The following VPS54 variants were observed in gnomAD, a reference collection of about 807,000 sequenced individuals.
VPS54 encodes the protein vacuolar protein sorting-associated protein 54.
VPS54 carries 45 observed loss-of-function variants against 121.5 expected under a neutral mutation model. The ratio of observed to expected loss-of-function variants is 0.37; its 90% CI spans 0.29 to 0.47. The LOEUF is 0.47. Among genes scored for constraint, VPS54 ranks in the 20% least tolerant of loss-of-function variants. VPS54 has a pLI of 0.99. For missense variants in VPS54, 1,090 were observed against 1,131.4 expected, an observed-to-expected ratio of 0.96 and a Z score of 0.52; for synonymous variants, 371 against 385.8, an observed-to-expected ratio of 0.96 and a Z score of 0.45.
intron 4 of VPS54, among the ~76,000 whole-genome samples, chr2:63,969,793 T>A (rs529049613): frequency 4.1e-4 from 62 of 152,276 alleles, no homozygotes; most frequent in Admixed American, 2.3e-3. Context: ...TTTCAAGTTT[T>A]GGTAAGACTG....
At chr2:63,958,896 C>G (rs571293175) in intron 7 of VPS54, among the ~76,000 whole-genome samples, 3 of 151,888 alleles carry the variant, frequency 2.0e-5, no homozygotes, top group African/African-American at 7.3e-5. Flanking sequence ...ATATGGCCCA[C>G]GAAATGACTA....
At chr2:64,004,773 A>T (rs1678046941) in intron 1 of VPS54, among the ~76,000 whole-genome samples, 1 of 152,160 alleles carries the variant, frequency 6.6e-6, no homozygotes, top group Non-Finnish European at 1.5e-5. Context: ...TGTTTAAATT[A>T]TAACATAGTA....
intron 1 of VPS54, among the ~76,000 whole-genome samples, chr2:64,014,815 G>A (rs1023449462): frequency 3.3e-5 from 5 of 152,126 alleles, no homozygotes; most frequent in African/African-American, 1.2e-4. Flanking sequence ...TGAGAAAACT[G>A]AGGCTCAGAA....
chr2:63,916,688 G>A lies in VPS54; in HGVS notation c.2228+212C>T, dbSNP rs532188519. 1.1e-4 allele frequency among the ~76,000 whole-genome samples: 17 copies of A among 152,260 alleles called. No individual in the cohort carries two copies. In the Middle Eastern group the frequency reaches 0.01, roughly 91 times the overall value. On this transcript the variant is annotated intron_variant, in intron 16 of 22. Transcript: ENST00000272322. ...AAATCAAGCTTTTTGTGTTAAGCCA[G>A]TGCAGTCCTTAATAATGTATGCTAC...
At chr2:64,001,095 C>T (rs958128692) in intron 1 of VPS54, among the ~76,000 whole-genome samples, 13 of 152,310 alleles carry the variant, frequency 8.5e-5, no homozygotes, top group Admixed American at 2.6e-4. Flanking sequence ...TCATGAGACA[C>T]GGTCATTCCC....
chr2:63,920,848 A>G (rs1243873030), intron 13 of VPS54, among the ~76,000 whole-genome samples: 1 of 152,100 alleles, frequency 6.6e-6, no homozygotes. Flanking sequence ...AGGTCATACT[A>G]TAAAATTTTC....
chr2:63,998,648 C>T (rs1273336895), intron 1 of VPS54, among the ~76,000 whole-genome samples: 4 of 152,058 alleles, frequency 2.6e-5, no homozygotes, highest in Non-Finnish European at 5.9e-5. Context: ...TAACAATTAA[C>T]ACTGCTTGTA....
chr2:63,937,265 T>C (rs950728458), intron 11 of VPS54, among the ~76,000 whole-genome samples: 1 of 152,104 alleles, frequency 6.6e-6, no homozygotes, highest in African/African-American at 2.4e-5. Context: ...AAAAGGTTAA[T>C]ATCCAGAATA....
chr2:63,930,812 A>G (rs1674157711), intron 12 of VPS54, among the ~76,000 whole-genome samples: 2 of 149,748 alleles, frequency 1.3e-5, no homozygotes, highest in South Asian at 2.1e-4. Context: ...CAACTTCAGC[A>G]AAGTCTCAGG....
chr2:64,002,381 G>A (rs1283869639), intron 1 of VPS54, among the ~76,000 whole-genome samples: 1 of 152,184 alleles, frequency 6.6e-6, no homozygotes, highest in Non-Finnish European at 1.5e-5. Flanking sequence ...TTCCTATGGA[G>A]GGGGACATCC....
chr2:63,974,332 ATT>A (rs1676420453), intron 3 of VPS54, among the ~76,000 whole-genome samples: 1 of 152,190 alleles, frequency 6.6e-6, no homozygotes, highest in African/African-American at 2.4e-5. Context: ...CCAATATGAC[ATT>A]GTCTTGATTA....
At chr2:63,994,362 C>A (rs942988305) in intron 1 of VPS54, among the ~76,000 whole-genome samples, 1 of 152,150 alleles carries the variant, frequency 6.6e-6, no homozygotes, top group Non-Finnish European at 1.5e-5. Flanking sequence ...CACTGATTTA[C>A]CGGCTACACA....
Position 63,989,616 on chromosome 2 carries a change from C to T in VPS54, c.-20-5597G>A, listed in dbSNP as rs188332683. Among the ~76,000 whole-genome samples, 259 of 152,270 alleles carry T rather than the reference C, an allele frequency of 1.7e-3. 1 individual carries two copies. Among genetic ancestry groups the T allele is most frequent in the African/African-American group, 5.8e-3 (243 of 41,546 alleles). On this transcript the variant is annotated intron_variant, in intron 1 of 22. Coordinates refer to ENST00000272322, the MANE Select transcript of VPS54 (RefSeq NM_016516.3). ...GGAACCCGATTCCCTTTGGTAGGTG[C>T]GGAGAAATGTCATCGGTTCGGTCCA... is the stretch of plus-strand genomic sequence containing the variant.
chr2:63,933,466 T>G (rs1674309048), intron 12 of VPS54, among the ~76,000 whole-genome samples: 1 of 152,194 alleles, frequency 6.6e-6, no homozygotes, highest in Admixed American at 6.5e-5. Context: ...TTTGCAATCT[T>G]AAAACTCTAT....
rs1032570412 is a variant in VPS54, at chr2:64,013,601, TATC to T, written c.-21+5334_-21+5336del. Among the ~76,000 whole-genome samples the T allele has an allele frequency of 5.9e-3, 861 of 146,260 alleles. 9 individuals are homozygous for T. Among genetic ancestry groups the T allele is most frequent in the African/African-American group, 0.02 (781 of 39,724 alleles). On this transcript the variant is annotated intron_variant, in intron 1 of 22. Transcript: ENST00000272322. ...TTATATATAAATATATATCAATATA[TATC>T]ATATGATATATATCAGCATTTATAT... is the stretch of plus-strand genomic sequence containing the variant.
chr2:64,018,573 G>C (rs1205728146), intron 1 of VPS54, among the ~76,000 whole-genome samples: 2 of 152,054 alleles, frequency 1.3e-5, no homozygotes, highest in African/African-American at 4.8e-5. Flanking sequence ...ATAGGACTAA[G>C]GGCCTGGCTG....
chr2:63,972,216 T>G lies in VPS54; in HGVS notation c.407A>C (p.Asn136Thr), dbSNP rs766365639. The part of the protein sequence containing the change: ...QREKIHERCK[N>T]ICPPKDTFER... ...GAAGGTATCTTTAGGAGGACAAATA[T>G]TCTTGCATCTCTCATGAATCTTCTC... The change falls in exon 4 of 23, where the codon AAT becomes ACT. Residue 136 changes from asparagine (N) to threonine (T), a missense_variant. Physicochemically the swap from Asn to Thr is moderately conservative, Grantham distance 65 (BLOSUM62 0). Coordinates refer to ENST00000272322, the MANE Select transcript of VPS54 (RefSeq NM_016516.3). 9 of 1,595,554 alleles carry G rather than the reference T, an allele frequency of 5.6e-6. No homozygotes were observed. Among genetic ancestry groups the G allele is most frequent in the Middle Eastern group, 3.4e-4 (2 of 5,948 alleles).
intron 20 of VPS54, among the ~76,000 whole-genome samples, chr2:63,903,386 C>T (rs1175827491): frequency 6.6e-6 from 1 of 152,056 alleles, no homozygotes; most frequent in African/African-American, 2.4e-5. Context: ...GATACATTCA[C>T]AAGAAATATG....
intron 21 of VPS54, among the ~76,000 whole-genome samples, chr2:63,899,269 T>C (rs1281046123): frequency 6.6e-6 from 1 of 152,200 alleles, no homozygotes; most frequent in Non-Finnish European, 1.5e-5. Context: ...ATAGTAAAGC[T>C]CTAGCTCTGG....
Sources: allele counts gnomAD v4.1 joint callset (sites outside exome capture counted in the v4.1 genomes callset), GRCh38; gene constraint gnomAD v4.1.1; transcripts MANE v1.5; gene names NCBI Gene and HGNC (gene_info 2026-07-23, HGNC 2026-07-21).